Variants in DHRSX observed in about 807,000 individuals in gnomAD.
The protein encoded by DHRSX is polyprenol dehydrogenase.
A neutral mutation model predicts 34.0 loss-of-function variants in DHRSX; 31 were observed. The ratio of observed to expected loss-of-function variants is 0.91; its 90% CI spans 0.69 to 1.23. The LOEUF is 1.23. Ranked by LOEUF, DHRSX falls within the 50% of genes most tolerant of loss-of-function variation. The probability of loss-of-function intolerance (pLI) is 0.00; values close to 1 mark genes in which losing one functional copy is unlikely to be tolerated. For synonymous variants in DHRSX, 201 were observed against 183.8 expected (o/e 1.09, Z -0.76); for missense variants, 414 against 428.1 (o/e 0.97, Z 0.29).
intron 3 of DHRSX, among the ~76,000 whole-genome samples, chrX:2,367,020 G>A (rs185575136): frequency 7.9e-5 from 12 of 152,138 alleles, no homozygotes; most frequent in Middle Eastern, 3.4e-3. Flanking sequence ...GCCATTTCAC[G>A]AACACCAGCC....
chrX:2,437,961 G>A (rs1339366900), intron 1 of DHRSX, among the ~76,000 whole-genome samples: 1 of 151,340 alleles, frequency 6.6e-6, no homozygotes, highest in Admixed American at 6.6e-5. Context: ...CTCAGATGAA[G>A]CACCTTGAAG....
rs762566745 is a variant in DHRSX at position 2,230,379 on chromosome X, C to G, written c.805-9150G>C. Among the ~76,000 whole-genome samples the G allele has an allele frequency of 6.6e-5, 10 of 152,232 alleles. No homozygotes were observed. In the East Asian group the frequency reaches 1.9e-3, roughly 29 times the overall value. ...GAAAACCTTCCTTTAACTACAATCT[C>G]GTAAGACACACACACAAACCTGCTC... On this transcript the variant is annotated intron_variant, in intron 6 of 6. Coordinates refer to ENST00000334651, the MANE Select transcript of DHRSX (RefSeq NM_145177.3).
intron 3 of DHRSX, among the ~76,000 whole-genome samples, chrX:2,404,245 G>C (rs2043525094): frequency 6.6e-6 from 1 of 151,968 alleles, no homozygotes; most frequent in Non-Finnish European, 1.5e-5. Context: ...ATGGGCCCTG[G>C]GCACCTGCAT....
At position 2,335,400 on chromosome X, in the gene DHRSX, C is replaced by T. The variant is rs190146395; in HGVS notation, c.287-43797G>A. 1.6e-4 allele frequency among the ~76,000 whole-genome samples: 24 copies of T among 151,788 alleles called. No individual in the cohort carries two copies. The East Asian group carries it at 4.7e-3, about 29-fold the overall frequency. On this transcript the variant is annotated intron_variant, in intron 3 of 6. Transcript: ENST00000334651. ...CGACTCGAAGTGGGGAGGGGGCTTC[C>T]AGGTCATAGGTGGATAAGAGACAAA...
intron 1 of DHRSX, among the ~76,000 whole-genome samples, chrX:2,478,783 G>T (rs1392499767): frequency 6.6e-6 from 1 of 151,916 alleles, no homozygotes; most frequent in Non-Finnish European, 1.5e-5. Flanking sequence ...AGGCACTGAC[G>T]ACGTTCCCTT....
chrX:2,230,366 TTAAC>T (rs2015848058), intron 6 of DHRSX, among the ~76,000 whole-genome samples: 1 of 152,142 alleles, frequency 6.6e-6, no homozygotes, highest in Non-Finnish European at 1.5e-5. Flanking sequence ...AAACCTTCCT[TTAAC>T]TACAATCTCG....
chrX:2,235,076 C>G (rs978515255), intron 6 of DHRSX, among the ~76,000 whole-genome samples: 4 of 152,114 alleles, frequency 2.6e-5, no homozygotes, highest in Admixed American at 6.6e-5. Flanking sequence ...AATGGTGTTG[C>G]TAGGAGCTAG....
chrX:2,282,922 G>T lies in DHRSX; in HGVS notation c.388+8580C>A, dbSNP rs758128690. Among the ~76,000 whole-genome samples, 5 of 151,624 alleles carry T rather than the reference G, an allele frequency of 3.3e-5. No individual in the cohort carries two copies. In the South Asian group the frequency reaches 1.0e-3, roughly 32 times the overall value. On this transcript the variant is annotated intron_variant, in intron 4 of 6. Transcript: ENST00000334651. The stretch of plus-strand genomic sequence containing the variant: ...AAGGGAGGTCGAGAGCAAAATAGTA[G>T]AAGCGGGGATGGGGTAGACTGAGGA...
At chrX:2,476,231 C>A (rs2044676053) in intron 1 of DHRSX, among the ~76,000 whole-genome samples, 1 of 133,820 alleles carries the variant, frequency 7.5e-6, no homozygotes, top group African/African-American at 3.0e-5. Flanking sequence ...CTACTAAAAA[C>A]ACACACACAA....
chrX:2,397,930 G>GCACACACACACACACA (rs111697078), intron 3 of DHRSX, among the ~76,000 whole-genome samples: 127 of 138,530 alleles, frequency 9.2e-4, no homozygotes, highest in African/African-American at 3.1e-3. Context: ...CTCAGAGCGC[G>GCACACACACACACACA]CACACACACA....
intron 1 of DHRSX, among the ~76,000 whole-genome samples, chrX:2,461,383 C>T (rs2044399769): frequency 6.6e-6 from 1 of 152,246 alleles, no homozygotes; most frequent in Non-Finnish European, 1.5e-5. Flanking sequence ...AAAGCCACCT[C>T]AGCAATGCTA....
chrX:2,324,375 T>C (rs2042350941), intron 3 of DHRSX, among the ~76,000 whole-genome samples: 1 of 152,184 alleles, frequency 6.6e-6, no homozygotes, highest in Non-Finnish European at 1.5e-5. Flanking sequence ...GGCTTCAGTT[T>C]AATTGCATAC....
At chrX:2,468,400 T>G (rs1314051133) in intron 1 of DHRSX, among the ~76,000 whole-genome samples, 1 of 150,836 alleles carries the variant, frequency 6.6e-6, no homozygotes, top group East Asian at 2.0e-4. Flanking sequence ...CCTGGGATGG[T>G]CGCTGACAGA....
chrX:2,444,955 G>A (rs1352202871), intron 1 of DHRSX, among the ~76,000 whole-genome samples: 5 of 152,092 alleles, frequency 3.3e-5, no homozygotes, highest in Non-Finnish European at 5.9e-5. Context: ...TCAGGAGTTC[G>A]AGACCAGCCT....
intron 3 of DHRSX, among the ~76,000 whole-genome samples, chrX:2,363,848 G>A (rs749797729): frequency 6.6e-6 from 1 of 152,218 alleles, no homozygotes; most frequent in African/African-American, 2.4e-5. Context: ...AGCATCGAAG[G>A]AGATGAGGGA....
intron 3 of DHRSX, among the ~76,000 whole-genome samples, chrX:2,392,010 G>C (rs1038365827): frequency 1.3e-5 from 2 of 152,228 alleles, no homozygotes; most frequent in African/African-American, 4.8e-5. Flanking sequence ...CCATGGGGAT[G>C]AGTCAGCAAT....
chrX:2,452,998 C>G (rs1229550081), intron 1 of DHRSX, among the ~76,000 whole-genome samples: 2 of 152,076 alleles, frequency 1.3e-5, no homozygotes, highest in African/African-American at 4.8e-5. Context: ...ATGAGTGCAT[C>G]AAACAAATGT....
chrX:2,330,653 AGAT>A (rs1181354056), intron 3 of DHRSX, among the ~76,000 whole-genome samples: 1 of 143,162 alleles, frequency 7.0e-6, no homozygotes, highest in Non-Finnish European at 1.5e-5. Flanking sequence ...AAACGAAAGA[AGAT>A]GAAGGAGAAG....
chrX:2,492,877 T>A lies in DHRSX; in HGVS notation c.109+7940A>T, dbSNP rs773845063. ...AAGCCCTCCGGTTTCTGGTACTTTA[T>A]TAAAGCAAGGTATTCTGAAGGTTAA... On this transcript the variant is annotated intron_variant, in intron 1 of 6. Coordinates refer to ENST00000334651, the MANE Select transcript of DHRSX (RefSeq NM_145177.3). Among the ~76,000 whole-genome samples the A allele has an allele frequency of 4.6e-5, 7 of 152,372 alleles. No homozygotes were observed. In the East Asian group the frequency reaches 1.3e-3, roughly 29 times the overall value.
Sources: gnomAD v4.1 joint callset for allele counts (sites outside exome capture counted in the v4.1 genomes callset) on GRCh38, gnomAD v4.1.1 for gene constraint, MANE v1.5 for transcripts, NCBI Gene and HGNC (gene_info 2026-07-23, HGNC 2026-07-21) for gene names.